Variants in TNFRSF13B observed in about 807,000 individuals in gnomAD.
The protein encoded by TNFRSF13B is tumor necrosis factor receptor superfamily member 13B.
In TNFRSF13B, 34 loss-of-function variants were observed where a neutral mutation model predicts 24.0. The observed-to-expected ratio is 1.41, with a 90% CI of 1.08 to 1.88. TNFRSF13B has a LOEUF of 1.88. Ranked by LOEUF, TNFRSF13B falls within the 40% of genes most tolerant of loss-of-function variation. The pLI is 0.00. For synonymous variants in TNFRSF13B, 173 were observed against 150.3 expected (o/e 1.15, Z -1.10); for missense variants, 415 against 380.8 (o/e 1.09, Z -0.75).
chr17:16,965,154 A>C (rs2087690880), intron 1 of TNFRSF13B, among the ~76,000 whole-genome samples: 1 of 152,114 alleles, frequency 6.6e-6, no homozygotes, highest in South Asian at 2.1e-4. Context: ...CTGTCTCTAC[A>C]AAATTACAGT....
At chr17:16,963,593 A>G (rs1474501354) in intron 1 of TNFRSF13B, among the ~76,000 whole-genome samples, 1 of 152,162 alleles carries the variant, frequency 6.6e-6, no homozygotes, top group Non-Finnish European at 1.5e-5. Context: ...ACTGCCACCC[A>G]GGCTGGAGTG....
chr17:16,940,578 TCCACATCC>T, intron 3 of TNFRSF13B, 67 bp from the exon 4 acceptor site: 1 of 1,564,894 alleles, frequency 6.4e-7, no homozygotes. Flanking sequence ...GCTCAAGCAA[TCCACATCC>T]CCCCATCCCC....
At position 16,968,907 on chromosome 17, in the gene TNFRSF13B, C is replaced by CA. The variant is rs573184392; in HGVS notation, c.61+3107dup. On this transcript the variant is annotated intron_variant, in intron 1 of 4. Transcript: ENST00000261652. ...TAAATATTTCAATAGGCATTTTCCC[C>CA]AAAAAAACCATATAAATGGCTAAAG... Among the ~76,000 whole-genome samples the CA allele has an allele frequency of 6.6e-5, 10 of 151,952 alleles. No individual in the cohort carries two copies. In the South Asian group the frequency reaches 1.0e-3, roughly 16 times the overall value.
chr17:16,941,477 G>A (rs1308189222), intron 3 of TNFRSF13B: 20 of 987,512 alleles, frequency 2.0e-5, no homozygotes, highest in African/African-American at 8.7e-5. Context: ...TCCTCTAGGC[G>A]CTGGGTGGAA....
chr17:16,945,746 G>T (rs553902222), intron 3 of TNFRSF13B, among the ~76,000 whole-genome samples: 1 of 152,296 alleles, frequency 6.6e-6, no homozygotes, highest in East Asian at 1.9e-4. Context: ...TTCCCCTCAG[G>T]AGAGGCTGTG....
intron 1 of TNFRSF13B, among the ~76,000 whole-genome samples, chr17:16,968,694 C>T (rs1287849762): frequency 6.6e-6 from 1 of 152,152 alleles, no homozygotes; most frequent in African/African-American, 2.4e-5. Context: ...GAAGATTGAT[C>T]AAAATTGGAC....
chr17:16,939,518 C>T lies in TNFRSF13B; in HGVS notation c.*29G>A, dbSNP rs907066884. The T allele has an allele frequency of 6.2e-7, 1 of 1,607,272 alleles. No individual in the cohort carries two copies. The highest frequency in any genetic ancestry group is 8.5e-7 in the Non-Finnish European group (1 of 1,176,440). ...TCTCTCCCCTCCTCTCCATCTCTCTCCCTCCTCCTTTCCCTCCCTGACCCC... is the reference window on the plus strand; with the variant it reads ...TCTCTCCCCTCCTCTCCATCTCTCTTCCTCCTCCTTTCCCTCCCTGACCCC... On this transcript the variant is annotated 3_prime_UTR_variant, in exon 5 of 5. Transcript: ENST00000261652.
intron 3 of TNFRSF13B, chr17:16,940,846 G>A (rs1026037401): frequency 4.9e-6 from 6 of 1,235,734 alleles, no homozygotes; most frequent in Non-Finnish European, 2.1e-6. Flanking sequence ...GCTCCAGGGA[G>A]CATGTCTCTG....
chr17:16,953,446 G>A (rs761122043), intron 1 of TNFRSF13B, among the ~76,000 whole-genome samples: 52 of 152,194 alleles, frequency 3.4e-4, no homozygotes, highest in Non-Finnish European at 6.0e-4. Context: ...CCCACATGGA[G>A]ATGTAGGACA....
intron 2 of TNFRSF13B, among the ~76,000 whole-genome samples, chr17:16,950,191 G>T (rs577926880): frequency 6.6e-6 from 1 of 152,190 alleles, no homozygotes; most frequent in South Asian, 2.1e-4. Context: ...TAGTGGATAA[G>T]AACCCAAATT....
intron 3 of TNFRSF13B, among the ~76,000 whole-genome samples, chr17:16,941,885 C>T (rs1366543864): frequency 6.6e-6 from 1 of 152,170 alleles, no homozygotes; most frequent in East Asian, 1.9e-4. Context: ...ATGCCTGGCT[C>T]CTTGCACTTG....
intron 1 of TNFRSF13B, among the ~76,000 whole-genome samples, chr17:16,956,087 A>G (rs879417239): frequency 6.6e-6 from 1 of 152,224 alleles, no homozygotes; most frequent in Non-Finnish European, 1.5e-5. Flanking sequence ...GGAGCCAAGC[A>G]CTTAAGGAAA....
At chr17:16,963,359 C>G (rs775000360) in intron 1 of TNFRSF13B, among the ~76,000 whole-genome samples, 1 of 152,172 alleles carries the variant, frequency 6.6e-6, no homozygotes, top group Admixed American at 6.5e-5. Flanking sequence ...CCAACTCCCT[C>G]TTTTCCTCCT....
At chr17:16,942,505 A>G (rs1343367587) in intron 3 of TNFRSF13B, among the ~76,000 whole-genome samples, 1 of 152,162 alleles carries the variant, frequency 6.6e-6, no homozygotes, top group African/African-American at 2.4e-5. Flanking sequence ...CCTTCTGTCC[A>G]GTGCCCAGAG....
intron 3 of TNFRSF13B, among the ~76,000 whole-genome samples, chr17:16,945,169 G>A (rs2087538807): frequency 6.6e-6 from 1 of 152,176 alleles, no homozygotes. Flanking sequence ...GCTGATGTAG[G>A]GTGAGGCATG....
intron 3 of TNFRSF13B, among the ~76,000 whole-genome samples, chr17:16,945,376 AG>A (rs1360596493): frequency 2.6e-5 from 4 of 152,220 alleles, no homozygotes; most frequent in Non-Finnish European, 4.4e-5. Flanking sequence ...AAGGAGCAAT[AG>A]CCTGCAGACG....
At chr17:16,947,048 T>C (rs974320905) in intron 3 of TNFRSF13B, among the ~76,000 whole-genome samples, 5 of 152,234 alleles carry the variant, frequency 3.3e-5, no homozygotes, top group Admixed American at 2.6e-4. Flanking sequence ...AAAGAAGAGC[T>C]GGTACCAATT....
chr17:16,953,542 T>C (rs2087604429), intron 1 of TNFRSF13B, among the ~76,000 whole-genome samples: 1 of 152,200 alleles, frequency 6.6e-6, no homozygotes, highest in Non-Finnish European at 1.5e-5. Context: ...GTTACCCTCA[T>C]AGGCTAATAT....
chr17:16,939,433 T>C lies in TNFRSF13B; in HGVS notation c.*114A>G. The C allele has an allele frequency of 3.1e-6, 4 of 1,290,620 alleles. No homozygotes were observed. Among genetic ancestry groups the C allele is most frequent in the Non-Finnish European group, 4.2e-6 (4 of 947,832 alleles). The allele number at this position is 1,290,620 out of a possible 1,614,324, so 79.9% of individuals were successfully genotyped here. On this transcript the variant is annotated 3_prime_UTR_variant, in exon 5 of 5. Coordinates refer to ENST00000261652, the MANE Select transcript of TNFRSF13B (RefSeq NM_012452.3). ...TCTCTGTCTCCTCTGTTTCTCTCCCTCTCTGCCTCCTCTGTCTCTCTCTCC... is the reference window on the plus strand; with the variant it reads ...TCTCTGTCTCCTCTGTTTCTCTCCCCCTCTGCCTCCTCTGTCTCTCTCTCC...
Sources: gnomAD v4.1 joint callset for allele counts (sites outside exome capture counted in the v4.1 genomes callset) on GRCh38, gnomAD v4.1.1 for gene constraint, MANE v1.5 for transcripts, NCBI Gene and HGNC (gene_info 2026-07-23, HGNC 2026-07-21) for gene names.